The following ATP8A1 variants were observed in gnomAD, a reference collection of about 807,000 sequenced individuals.
ATP8A1 encodes phospholipid-transporting ATPase IA.
ATP8A1 carries 90 observed loss-of-function variants against 177.7 expected under a neutral mutation model. That is an observed-to-expected ratio of 0.51 (90% CI 0.43 to 0.60). The LOEUF is 0.60. Among genes scored for constraint, ATP8A1 ranks in the 20% least tolerant of loss-of-function variants. The probability of loss-of-function intolerance (pLI) is 0.00; values close to 1 mark genes in which losing one functional copy is unlikely to be tolerated. For missense variants in ATP8A1, 1,072 were observed against 1,392.8 expected (o/e 0.77, Z 3.67); for synonymous variants, 493 against 485.9 (o/e 1.01, Z -0.19).
chr4:42,612,073 T>A (rs1736424998), intron 5 of ATP8A1, among the ~76,000 whole-genome samples: 1 of 151,750 alleles, frequency 6.6e-6, no homozygotes, highest in Non-Finnish European at 1.5e-5. Context: ...AAGCAAGGGT[T>A]AAATGATAAT....
intron 30 of ATP8A1, among the ~76,000 whole-genome samples, chr4:42,450,080 T>G (rs763679380): frequency 6.6e-6 from 1 of 152,182 alleles, no homozygotes; most frequent in African/African-American, 2.4e-5. Flanking sequence ...TGGACCTCCA[T>G]ATCCTGTTGC....
intron 16 of ATP8A1, among the ~76,000 whole-genome samples, chr4:42,555,345 C>T (rs902654078): frequency 6.6e-6 from 1 of 151,598 alleles, no homozygotes; most frequent in African/African-American, 2.4e-5. Flanking sequence ...TAAGTTATTT[C>T]GATAACTTAT....
At chr4:42,491,120 GAA>G (rs1465125223) in intron 24 of ATP8A1, among the ~76,000 whole-genome samples, 2 of 151,866 alleles carry the variant, frequency 1.3e-5, no homozygotes, top group Admixed American at 1.3e-4. Context: ...TAGAGAAAAT[GAA>G]AAAGAGGTAG....
At chr4:42,461,266 TTTTGCTA>T (rs1208911348) in intron 27 of ATP8A1, among the ~76,000 whole-genome samples, 17 of 151,490 alleles carry the variant, frequency 1.1e-4, no homozygotes, top group African/African-American at 3.6e-4. Flanking sequence ...TTTTTTTGCT[TTTTGCTA>T]ATGTGGCTTG....
chr4:42,569,239 GA>G, intron 14 of ATP8A1, 34 bp from the exon 15 acceptor site: 4 of 1,565,488 alleles, frequency 2.6e-6, no homozygotes, highest in Non-Finnish European at 3.5e-6. Flanking sequence ...AGAAAGAGAG[GA>G]AAAATAATCA....
chr4:42,569,624 T>C (rs1022826262), intron 14 of ATP8A1, among the ~76,000 whole-genome samples: 82 of 152,214 alleles, frequency 5.4e-4, no homozygotes, highest in African/African-American at 1.7e-3. Flanking sequence ...TAATAAAATT[T>C]GTCAAATACA....
At chr4:42,517,662 G>A (rs1725700038) in intron 22 of ATP8A1, among the ~76,000 whole-genome samples, 1 of 152,094 alleles carries the variant, frequency 6.6e-6, no homozygotes, top group Non-Finnish European at 1.5e-5. Flanking sequence ...GATTTATTTA[G>A]TAACAGCAAA....
At chr4:42,435,461 AAAC>A (rs372288620) in intron 33 of ATP8A1, among the ~76,000 whole-genome samples, 1 of 122,344 alleles carries the variant, frequency 8.2e-6, no homozygotes, top group African/African-American at 2.9e-5. Context: ...AAAAAAAAAA[AAAC>A]AAACTATCTC....
At chr4:42,452,940 A>G (rs1229106968) in intron 29 of ATP8A1, among the ~76,000 whole-genome samples, 1 of 152,180 alleles carries the variant, frequency 6.6e-6, no homozygotes, top group Non-Finnish European at 1.5e-5. Context: ...TTCCACTGTG[A>G]GCTCAATCTC....
chr4:42,577,197 T>TA (rs1179977755), intron 12 of ATP8A1, among the ~76,000 whole-genome samples: 4 of 152,254 alleles, frequency 2.6e-5, no homozygotes, highest in Admixed American at 2.6e-4. Context: ...AGTGATTATC[T>TA]AGCTTACTTA....
intron 33 of ATP8A1, among the ~76,000 whole-genome samples, chr4:42,430,480 CT>C (rs368443741): frequency 4.5e-4 from 66 of 145,436 alleles, no homozygotes; most frequent in Middle Eastern, 3.5e-3. Context: ...TCGCTAGTGC[CT>C]TTTTTTTTTT....
At chr4:42,631,683 C>T (rs540488751) in intron 1 of ATP8A1, among the ~76,000 whole-genome samples, 13 of 152,184 alleles carry the variant, frequency 8.5e-5, no homozygotes, top group African/African-American at 3.1e-4. Context: ...ATGTTTAACC[C>T]CATGACTTAC....
intron 1 of ATP8A1, among the ~76,000 whole-genome samples, chr4:42,641,692 C>A (rs1740011268): frequency 6.6e-6 from 1 of 152,064 alleles, no homozygotes; most frequent in South Asian, 2.1e-4. Flanking sequence ...AATTACAGCT[C>A]TGAATGAGCT....
At chr4:42,490,343 C>T (rs1246148485) in intron 24 of ATP8A1, among the ~76,000 whole-genome samples, 5 of 152,184 alleles carry the variant, frequency 3.3e-5, no homozygotes, top group East Asian at 1.9e-4. Flanking sequence ...CACCTCACTG[C>T]GAGGGCAGGA....
chr4:42,539,648 C>T (rs1317068439), intron 20 of ATP8A1, among the ~76,000 whole-genome samples: 2 of 151,982 alleles, frequency 1.3e-5, no homozygotes, highest in African/African-American at 4.8e-5. Flanking sequence ...ATATTTATAA[C>T]CAACTGATCT....
At chr4:42,475,969 G>C (rs1182630991) in intron 25 of ATP8A1, among the ~76,000 whole-genome samples, 1 of 152,078 alleles carries the variant, frequency 6.6e-6, no homozygotes, top group African/African-American at 2.4e-5. Flanking sequence ...AACCCGGGGA[G>C]GCAGAGGTTG....
intron 9 of ATP8A1, among the ~76,000 whole-genome samples, chr4:42,585,153 C>T (rs1733490105): frequency 6.6e-6 from 1 of 152,220 alleles, no homozygotes; most frequent in South Asian, 2.1e-4. Context: ...GTCCTCACCT[C>T]CCACTCATCA....
chr4:42,546,131 C>CT, intron 19 of ATP8A1, among the ~76,000 whole-genome samples: 1 of 152,188 alleles, frequency 6.6e-6, no homozygotes, highest in East Asian at 1.9e-4. Flanking sequence ...CTCCTCTCAT[C>CT]TCACTTTCTC....
At chr4:42,614,167 G>C (rs903390889) in intron 5 of ATP8A1, among the ~76,000 whole-genome samples, 3 of 152,096 alleles carry the variant, frequency 2.0e-5, no homozygotes, top group African/African-American at 7.2e-5. Context: ...GGTAGGCAAG[G>C]AATTTTTTTT....
Sources: allele counts gnomAD v4.1 joint callset (sites outside exome capture counted in the v4.1 genomes callset), GRCh38; gene constraint gnomAD v4.1.1; transcripts MANE v1.5; gene names NCBI Gene and HGNC (gene_info 2026-07-23, HGNC 2026-07-21).